The following SNRPA variants were observed in gnomAD, a reference collection of about 807,000 sequenced individuals.
SNRPA encodes the protein small nuclear ribonucleoprotein polypeptide A, also known as U1 small nuclear ribonucleoprotein A.
SNRPA carries 10 observed loss-of-function variants against 24.5 expected under a neutral mutation model. That is an observed-to-expected ratio of 0.41 (90% CI 0.25 to 0.69). The LOEUF (loss-of-function observed/expected upper bound fraction) is 0.69. Among genes scored for constraint, SNRPA ranks in the 30% least tolerant of loss-of-function variants. The pLI is 0.33. For synonymous variants in SNRPA, 165 were observed against 148.4 expected (o/e 1.11, Z -0.81); for missense variants, 283 against 394.7 (o/e 0.72, Z 2.40).
At position 40,763,264 on chromosome 19, in the gene SNRPA, G is replaced by A. The variant is rs141245618; in HGVS notation, c.600+190G>A. On this transcript the variant is annotated intron_variant, in intron 4 of 5. Transcript: ENST00000243563. ...AATTGGCATGCTGGTTGGAGGGTAC[G>A]GAAGGTTAGGGTAGGCTGGAGTGGT... The A allele has an allele frequency of 6.3e-5, 38 of 599,450 alleles. No individual in the cohort carries two copies. In the East Asian group the frequency reaches 7.2e-4, roughly 11 times the overall value. The allele number at this position is 599,450 out of a possible 1,614,324, so 37.1% of individuals were successfully genotyped here. A position where few individuals can be genotyped will look rare whatever the true frequency, so the allele number is the denominator to read the frequency against.
chr19:40,761,144 C>A (rs1302567662), intron 3 of SNRPA, among the ~76,000 whole-genome samples: 1 of 150,936 alleles, frequency 6.6e-6, no homozygotes, highest in Non-Finnish European at 1.5e-5. Flanking sequence ...AAAAAAAAAC[C>A]TGCAGCAACC....
chr19:40,761,442 T>C (rs2082931258), intron 3 of SNRPA, among the ~76,000 whole-genome samples: 1 of 131,026 alleles, frequency 7.6e-6, no homozygotes, highest in African/African-American at 2.8e-5. Context: ...TTCTCTTTTC[T>C]TTTCTTTTTC....
At chr19:40,762,022 C>T (rs772003048) in intron 3 of SNRPA, among the ~76,000 whole-genome samples, 9 of 152,080 alleles carry the variant, frequency 5.9e-5, no homozygotes, top group Non-Finnish European at 5.9e-5. Flanking sequence ...GTGATGGTGT[C>T]TGGATTACTG....
At chr19:40,763,404 C>A in intron 4 of SNRPA, 183 bp from the exon 5 acceptor site, 1 of 642,262 alleles carries the variant, frequency 1.6e-6, no homozygotes. Context: ...TGTCCTGTGG[C>A]CTATAGTCTG....
chr19:40,763,008 C>A lies in SNRPA; in HGVS notation c.534C>A (p.Gly178=). 6.2e-7 allele frequency: 1 copy of A among 1,610,468 alleles called. No individual in the cohort carries two copies. Among genetic ancestry groups the A allele is most frequent in the Non-Finnish European group, 8.5e-7 (1 of 1,178,142 alleles). The stretch of plus-strand genomic sequence containing the variant: ...TCCCCCCGCCAGGCCTTGCACCTGG[C>A]CAGATCCCACCAGGGGCCATGCCCC... The part of the protein sequence containing the change: ...GMIPPPGLAP[G]QIPPGAMPPQ... Residue 178 remains glycine (G), a synonymous_variant, in exon 4 of 6, where the codon GGC becomes GGA. Coordinates refer to ENST00000243563, the MANE Select transcript of SNRPA (RefSeq NM_004596.5).
In SNRPA at chr19:40,757,510, C is replaced by T; in HGVS notation, c.246+6C>T. On this transcript the variant is annotated splice_donor_region_variant and intron_variant, in intron 2 of 5. Transcript: ENST00000243563. The stretch of plus-strand genomic sequence containing the variant: ...CTTTCTATGACAAACCTATGGTGAG[C>T]ATTGCGGGTACGGAGGCTGTGTGGG... The T allele has an allele frequency of 1.2e-6, 2 of 1,605,718 alleles. No homozygotes were observed. The highest frequency in any genetic ancestry group is 2.2e-5 in the East Asian group (1 of 44,760).
intron 1 of SNRPA, among the ~76,000 whole-genome samples, chr19:40,754,312 A>G (rs184004677): frequency 2.6e-5 from 4 of 151,880 alleles, no homozygotes; most frequent in Middle Eastern, 3.4e-3. Flanking sequence ...CATCTTGGCT[A>G]TGCTGGTCTC....
chr19:40,755,257 CTTTTTTTTT>C (rs1004235207), intron 1 of SNRPA, among the ~76,000 whole-genome samples: 1 of 82,612 alleles, frequency 1.2e-5, no homozygotes, highest in South Asian at 4.3e-4. Context: ...TTTTTCTTTT[CTTTTTTTTT>C]TTTTTTTTTT....
intron 3 of SNRPA, among the ~76,000 whole-genome samples, chr19:40,761,339 G>T (rs1448291981): frequency 6.6e-6 from 1 of 151,606 alleles, no homozygotes; most frequent in Non-Finnish European, 1.5e-5. Context: ...ATCTGCAAGG[G>T]GAAAAAATTA....
chr19:40,753,384 G>GTTGTTTTTTTT (rs2082892972), intron 1 of SNRPA, among the ~76,000 whole-genome samples: 1 of 38,382 alleles, frequency 2.6e-5, no homozygotes, highest in Non-Finnish European at 4.3e-5. Flanking sequence ...TTTTGCATAT[G>GTTGTTTTTTTT]TTTTTTTTTT....
chr19:40,759,080 C>T (rs529034112), intron 2 of SNRPA, among the ~76,000 whole-genome samples: 17 of 151,050 alleles, frequency 1.1e-4, no homozygotes, highest in South Asian at 2.1e-4. Context: ...TGGTGGTGGG[C>T]GCCTGTAATC....
chr19:40,759,646 C>T, intron 3 of SNRPA, 36 bp downstream of exon 3: 3 of 1,561,316 alleles, frequency 1.9e-6, no homozygotes, highest in South Asian at 1.2e-5. Flanking sequence ...CTCCCACTGC[C>T]AGACCTTCCT....
intron 2 of SNRPA, among the ~76,000 whole-genome samples, chr19:40,758,079 G>A (rs1424146511): frequency 1.3e-5 from 2 of 151,906 alleles, no homozygotes; most frequent in Non-Finnish European, 2.9e-5. Flanking sequence ...TGATTCTCCT[G>A]CCTCAGCCTC....
chr19:40,763,934 A>G (rs1257242751), intron 5 of SNRPA, among the ~76,000 whole-genome samples: 14 of 152,194 alleles, frequency 9.2e-5, no homozygotes, highest in Admixed American at 9.2e-4. Flanking sequence ...GAGGGAGTCC[A>G]GGCTCTGGGC....
intron 3 of SNRPA, 47 bp from the exon 4 acceptor site, chr19:40,762,854 C>T (rs1471523599): frequency 6.3e-7 from 1 of 1,591,162 alleles, no homozygotes; most frequent in Non-Finnish European, 8.6e-7. Flanking sequence ...CTCTTCTCTG[C>T]CTCCTGGGGC....
In SNRPA at chr19:40,759,432, G is replaced by A. The variant is rs773157493; in HGVS notation, c.248G>A (p.Arg83His). ...CCCGTTCTGCTCTCTGTTTGGTAGC[G>A]TATCCAGTATGCCAAGACCGACTCA... Reference protein sequence around the residue: ...QGFPFYDKPMRIQYAKTDSDI... With the variant: ...QGFPFYDKPMHIQYAKTDSDI... Residue 83 changes from arginine (R) to histidine (H), a missense_variant and splice_region_variant, in exon 3 of 6, where the codon CGT becomes CAT. Physicochemically the swap from Arg to His is conservative, Grantham distance 29. Transcript: ENST00000243563. 17 of 1,611,208 alleles carry A rather than the reference G, an allele frequency of 1.1e-5. No homozygotes were observed. Among genetic ancestry groups the A allele is most frequent in the South Asian group, 1.1e-5 (1 of 90,968 alleles).
intron 3 of SNRPA, among the ~76,000 whole-genome samples, chr19:40,762,251 C>G (rs1225107254): frequency 1.3e-5 from 2 of 151,852 alleles, no homozygotes; most frequent in African/African-American, 4.8e-5. Context: ...GAGACTTACT[C>G]TGTTGCCCAG....
intron 4 of SNRPA, 157 bp downstream of exon 4, chr19:40,763,231 G>A: frequency 1.6e-6 from 1 of 620,062 alleles, no homozygotes; most frequent in Non-Finnish European, 2.8e-6. Flanking sequence ...GTGGGCCCTG[G>A]GCAGAGGAAT....
At chr19:40,754,125 A>C (rs1192002552) in intron 1 of SNRPA, among the ~76,000 whole-genome samples, 1 of 124,546 alleles carries the variant, frequency 8.0e-6, no homozygotes, top group African/African-American at 3.0e-5. Flanking sequence ...TTGAGATGAG[A>C]CGGAGTGTCG....
Sources: allele counts gnomAD v4.1 joint callset (sites outside exome capture counted in the v4.1 genomes callset), GRCh38; gene constraint gnomAD v4.1.1; transcripts MANE v1.5; gene names NCBI Gene and HGNC (gene_info 2026-07-23, HGNC 2026-07-21).